The following CYP26B1 variants were observed in gnomAD, a reference collection of about 807,000 sequenced individuals.
The protein encoded by CYP26B1 is cytochrome P450 26B1.
In CYP26B1, 8 loss-of-function variants were observed where a neutral mutation model predicts 39.1. That is an observed-to-expected ratio of 0.20 (90% CI 0.12 to 0.37). The LOEUF (loss-of-function observed/expected upper bound fraction) is 0.37. CYP26B1 is among the 10% of genes least tolerant of loss of function. The pLI is 1.00. For synonymous variants in CYP26B1, 321 were observed against 314.3 expected, an observed-to-expected ratio of 1.02 and a Z score of -0.23; for missense variants, 615 against 707.0, an observed-to-expected ratio of 0.87 and a Z score of 1.48.
Position 72,147,483 on chromosome 2 carries a change from C to G in CYP26B1, c.204+148G>C, listed in dbSNP as rs557838159. On this transcript the variant is annotated intron_variant, in intron 1 of 5. Coordinates refer to ENST00000001146, the MANE Select transcript of CYP26B1 (RefSeq NM_019885.4). The surrounding 1 kb of genome is among the most constrained non-coding windows in gnomAD (Gnocchi z 6.1). ...GCGCTGCCGGCGGGCTGGGGAAGCCCGGGCTGCTGCGGCAGAGAGGAGGGA... is the reference window on the plus strand; with the variant it reads ...GCGCTGCCGGCGGGCTGGGGAAGCCGGGGCTGCTGCGGCAGAGAGGAGGGA... The G allele has an allele frequency of 2.9e-5, 24 of 837,624 alleles. No individual in the cohort carries two copies. Among genetic ancestry groups the G allele is most frequent in the African/African-American group, 5.5e-5 (3 of 54,942 alleles). 51.9% of individuals were successfully genotyped at this position (837,624 alleles called of 1,614,324 possible).
chr2:72,144,463 A>C, intron 1 of CYP26B1: 1 of 1,301,020 alleles, frequency 7.7e-7, no homozygotes, highest in African/African-American at 1.5e-5. Context: ...TTTTTTGGTA[A>C]TGACTTTCGA....
intron 2 of CYP26B1, among the ~76,000 whole-genome samples, chr2:72,138,216 C>T (rs1220318579): frequency 6.6e-6 from 1 of 152,190 alleles, no homozygotes; most frequent in Non-Finnish European, 1.5e-5. Flanking sequence ...CCTCCCAGGC[C>T]CTGGGAAGCC....
At chr2:72,144,692 G>A (rs2104098927) in intron 1 of CYP26B1, among the ~76,000 whole-genome samples, 1 of 152,334 alleles carries the variant, frequency 6.6e-6, no homozygotes, top group Non-Finnish European at 1.5e-5. Flanking sequence ...ATGGGGGTTG[G>A]AGTTTCCTCC....
Position 72,132,504 on chromosome 2 carries a change from C to T in CYP26B1, c.1262G>A (p.Arg421Gln), listed in dbSNP as rs752879483. Residue 421 changes from arginine to glutamine, a missense_variant, in exon 6 of 6, where the codon CGG becomes CAG. Physicochemically the swap from Arg to Gln is conservative, Grantham distance 43 (BLOSUM62 1). Coordinates refer to ENST00000001146, the MANE Select transcript of CYP26B1 (RefSeq NM_019885.4). Reference sequence around the variant, plus strand: ...GAAGCGGCCATCCTTGTCCTCGCTCCGCGCCTGGCTGAAGCGATCGGGGTC... The same window carrying T: ...GAAGCGGCCATCCTTGTCCTCGCTCTGCGCCTGGCTGAAGCGATCGGGGTC... Reference protein sequence around the residue: ...VFDPDRFSQARSEDKDGRFHY... With the variant: ...VFDPDRFSQAQSEDKDGRFHY... The T allele has an allele frequency of 2.0e-5, 33 of 1,612,368 alleles. No individual in the cohort carries two copies. In the East Asian group the frequency reaches 4.7e-4, roughly 23 times the overall value.
chr2:72,130,761 C>A lies in CYP26B1; in HGVS notation c.*1466G>T, dbSNP rs1476287931. On this transcript the variant is annotated 3_prime_UTR_variant, in exon 6 of 6. Transcript: ENST00000001146. ...CTACTCCTCTTTCACCCAGTCATCC[C>A]GACTGGCCAGTTTTCAACCCAATCC... 2.0e-5 allele frequency: 3 copies of A among 152,166 alleles called. No individual in the cohort carries two copies. The highest frequency in any genetic ancestry group is 7.2e-5 in the African/African-American group (3 of 41,432). The allele number at this position is 152,166 out of a possible 1,614,324, so 9.4% of individuals were successfully genotyped here.
chr2:72,132,638 CGAGGAGTGGGTGGTGAGAGCCA>C lies in CYP26B1; in HGVS notation c.1147-41_1147-20del. The C allele has an allele frequency of 6.3e-7, 1 of 1,582,986 alleles. No homozygotes were observed. The highest frequency in any genetic ancestry group is 8.6e-7 in the Non-Finnish European group (1 of 1,164,710). ...GGAAACCCTGGAGCAAGATGGGGGC[CGAGGAGTGGGTGGTGAGAGCCA>C]GAGGAGCCCACAGAGGGCCCAGGAC... On this transcript the variant is annotated intron_variant, in intron 5 of 5. Transcript: ENST00000001146.
intron 2 of CYP26B1, among the ~76,000 whole-genome samples, chr2:72,139,877 T>G (rs1281126821): frequency 3.3e-5 from 5 of 151,950 alleles, no homozygotes; most frequent in Non-Finnish European, 5.9e-5. Flanking sequence ...TGATGGGCTC[T>G]GAATTTATCA....
At chr2:72,137,130 G>A (rs554816823) in intron 2 of CYP26B1, among the ~76,000 whole-genome samples, 85 of 152,272 alleles carry the variant, frequency 5.6e-4, no homozygotes, top group Non-Finnish European at 1.0e-3. Context: ...TGCAGGGTAG[G>A]GGCTGGCCAG....
At position 72,147,658 on chromosome 2, in the gene CYP26B1, G is replaced by A. The variant is rs1238452423; in HGVS notation, c.177C>T (p.Ile59=). ...IPKGSMGFPL[I]GETGHWLLQG... ...GCAGCAGCCAGTGGCCGGTCTCTCC[G>A]ATGAGCGGGAAGCCCATGGATCCCT... Residue 59 remains isoleucine (I), a synonymous_variant, in exon 1 of 6, where the codon ATC becomes ATT. Transcript: ENST00000001146. The surrounding 1 kb of genome is among the most constrained non-coding windows in gnomAD (Gnocchi z 6.1). 6.2e-7 allele frequency: 1 copy of A among 1,609,884 alleles called. No individual in the cohort carries two copies. Among genetic ancestry groups the A allele is most frequent in the East Asian group, 2.2e-5 (1 of 44,672 alleles).
intron 5 of CYP26B1, 106 bp from the exon 6 acceptor site, chr2:72,132,725 C>G: frequency 6.7e-7 from 1 of 1,498,086 alleles, no homozygotes; most frequent in Non-Finnish European, 8.9e-7. Context: ...CAAGACCTGC[C>G]TTTTCTTAGA....
At chr2:72,145,589 C>G (rs931490878) in intron 1 of CYP26B1, among the ~76,000 whole-genome samples, 1 of 152,214 alleles carries the variant, frequency 6.6e-6, no homozygotes, top group African/African-American at 2.4e-5. Context: ...CTGCTATACC[C>G]GTCTCCCTCG....
At chr2:72,141,533 C>T (rs1676941986) in intron 2 of CYP26B1, among the ~76,000 whole-genome samples, 1 of 152,220 alleles carries the variant, frequency 6.6e-6, no homozygotes, top group Non-Finnish European at 1.5e-5. Context: ...GCCCCACTTC[C>T]TGCACGTACC....
intron 1 of CYP26B1, chr2:72,144,428 G>A: frequency 7.4e-7 from 1 of 1,357,600 alleles, no homozygotes; most frequent in Non-Finnish European, 9.4e-7. Flanking sequence ...GGAGGCGGAG[G>A]CCCAGGGGCA....
chr2:72,146,737 C>G (rs1474104992), intron 1 of CYP26B1, among the ~76,000 whole-genome samples: 1 of 152,196 alleles, frequency 6.6e-6, no homozygotes, highest in Non-Finnish European at 1.5e-5. Context: ...AGAGGCGCTC[C>G]GCTCCCCCAC....
At chr2:72,137,554 C>T (rs964883578) in intron 2 of CYP26B1, among the ~76,000 whole-genome samples, 8 of 152,138 alleles carry the variant, frequency 5.3e-5, no homozygotes, top group Admixed American at 2.6e-4. Flanking sequence ...GGGGCCATCC[C>T]AGGGTTTCAA....
In CYP26B1 at chr2:72,147,379, T is replaced by C. The variant is rs1677150665; in HGVS notation, c.204+252A>G. ...CAGCCGCGACCCAGGCAAGTCCATC[T>C]TGGGAGCCCCCTCAGGTCCGGGAAC... On this transcript the variant is annotated intron_variant, in intron 1 of 5. Transcript: ENST00000001146. This position sits in a 1 kb window ranked among gnomAD's most constrained non-coding sequence, Gnocchi z 6.1. Among the ~76,000 whole-genome samples, 1 of 152,124 alleles carries C rather than the reference T, an allele frequency of 6.6e-6. No individual in the cohort carries two copies. The highest frequency in any genetic ancestry group is 2.4e-5 in the African/African-American group (1 of 41,448).
rs534659169 is a variant in CYP26B1 at position 72,130,357 on chromosome 2, G to C, written c.*1870C>G. The C allele has an allele frequency of 6.6e-6, 1 of 152,280 alleles. No homozygotes were observed. Among genetic ancestry groups the C allele is most frequent in the South Asian group, 2.1e-4 (1 of 4,814 alleles). 9.4% of individuals were successfully genotyped at this position (152,280 alleles called of 1,614,324 possible). A position where few individuals can be genotyped will look rare whatever the true frequency, so the allele number is the denominator to read the frequency against. ...TTGCCAATAATGTCTATTCCACACT[G>C]TTTTTTAGTAGTGGAAAAGTAGGAA... On this transcript the variant is annotated 3_prime_UTR_variant, in exon 6 of 6. Transcript: ENST00000001146.
At chr2:72,144,935 G>A (rs1331048329) in intron 1 of CYP26B1, among the ~76,000 whole-genome samples, 2 of 152,214 alleles carry the variant, frequency 1.3e-5, no homozygotes, top group Admixed American at 1.3e-4. Context: ...GCCGAGGATG[G>A]CGGGGCCGGG....
rs1003806013 is a variant in CYP26B1, at chr2:72,129,385, G to A, written c.*2842C>T. ...ACCACGACAGCAAAAACACTCACAC[G>A]GTACCAGTTTCATATCAAAACAAAA... On this transcript the variant is annotated 3_prime_UTR_variant, in exon 6 of 6. Transcript: ENST00000001146. The A allele has an allele frequency of 2.6e-5, 4 of 152,420 alleles. No homozygotes were observed. Among genetic ancestry groups the A allele is most frequent in the African/African-American group, 7.2e-5 (3 of 41,382 alleles). 9.4% of individuals were successfully genotyped at this position (152,420 alleles called of 1,614,324 possible).
Sources: gnomAD v4.1 joint callset for allele counts (sites outside exome capture counted in the v4.1 genomes callset) on GRCh38, gnomAD v4.1.1 for gene constraint, Gnocchi (gnomAD v3.1) non-coding constraint, MANE v1.5 for transcripts, NCBI Gene and HGNC (gene_info 2026-07-23, HGNC 2026-07-21) for gene names.